LEKR1: variants seen among roughly 807,000 people sequenced by gnomAD.
LEKR1 encodes the protein protein LEKR1.
Under a neutral mutation model 72.4 loss-of-function variants are expected in LEKR1, and 59 were observed. That is an observed-to-expected ratio of 0.82 (90% CI 0.66 to 1.01). The LOEUF (loss-of-function observed/expected upper bound fraction) is 1.01, where lower values mean the gene tolerates loss of function less well. Among genes scored for constraint, LEKR1 ranks in the 50% least tolerant of loss-of-function variants. The pLI is 0.00. For missense variants in LEKR1, 728 were observed against 759.2 expected (o/e 0.96, Z 0.48); for synonymous variants, 257 against 263.2 (o/e 0.98, Z 0.23).
intron 6 of LEKR1, among the ~76,000 whole-genome samples, chr3:156,956,937 A>G (rs1431916280): frequency 6.6e-6 from 1 of 152,058 alleles, no homozygotes; most frequent in African/African-American, 2.4e-5. Context: ...ATAACTAACT[A>G]AATAAAATTC....
intron 3 of LEKR1, among the ~76,000 whole-genome samples, chr3:156,869,039 A>G (rs894308037): frequency 6.6e-6 from 1 of 151,962 alleles, no homozygotes; most frequent in Non-Finnish European, 1.5e-5. Flanking sequence ...ATTCTTTTTT[A>G]TGTCTGAATA....
At chr3:157,039,032 T>G (rs1735165430) in intron 12 of LEKR1, among the ~76,000 whole-genome samples, 1 of 152,188 alleles carries the variant, frequency 6.6e-6, no homozygotes, top group African/African-American at 2.4e-5. Context: ...CTGTTTTTAT[T>G]GTTTATTGCC....
intron 3 of LEKR1, among the ~76,000 whole-genome samples, chr3:156,898,675 C>A (rs888152219): frequency 1.3e-5 from 2 of 152,088 alleles, no homozygotes; most frequent in African/African-American, 4.8e-5. Context: ...AAAAAAAAAC[C>A]CAAAACTATT....
chr3:156,974,346 G>A (rs754690967), intron 6 of LEKR1, among the ~76,000 whole-genome samples: 33 of 152,126 alleles, frequency 2.2e-4, no homozygotes, highest in Non-Finnish European at 3.8e-4. Flanking sequence ...TTTTTCACAT[G>A]TTAAGATGCA....
chr3:157,009,073 C>G (rs1235512862), intron 9 of LEKR1, among the ~76,000 whole-genome samples: 1 of 152,036 alleles, frequency 6.6e-6, no homozygotes, highest in Non-Finnish European at 1.5e-5. Flanking sequence ...AGCTATTTAT[C>G]TTTTGTTACT....
At chr3:156,915,804 CT>C (rs769462720) in intron 3 of LEKR1, among the ~76,000 whole-genome samples, 1 of 152,050 alleles carries the variant, frequency 6.6e-6, no homozygotes, top group Non-Finnish European at 1.5e-5. Context: ...GTTGTGATTG[CT>C]TTTGATGTCA....
At chr3:157,040,400 A>G (rs1735263706) in intron 12 of LEKR1, among the ~76,000 whole-genome samples, 1 of 152,152 alleles carries the variant, frequency 6.6e-6, no homozygotes, top group African/African-American at 2.4e-5. Context: ...TATGTTTGTA[A>G]GCAGGGAAAT....
intron 3 of LEKR1, among the ~76,000 whole-genome samples, chr3:156,896,390 G>T (rs564030114): frequency 6.6e-6 from 1 of 152,026 alleles, no homozygotes; most frequent in African/African-American, 2.4e-5. Context: ...ATGGGCAAAC[G>T]ACATTAACAG....
At chr3:157,001,028 T>G (rs1475406445) in intron 9 of LEKR1, among the ~76,000 whole-genome samples, 2 of 152,218 alleles carry the variant, frequency 1.3e-5, no homozygotes, top group African/African-American at 4.8e-5. Flanking sequence ...CTCTTCATCT[T>G]CTGCCATGAT....
In LEKR1 at chr3:157,045,536, T is replaced by G; in HGVS notation, c.1865T>G (p.Leu622Arg). The G allele has an allele frequency of 6.2e-7, 1 of 1,614,112 alleles. No individual in the cohort carries two copies. The highest frequency in any genetic ancestry group is 1.1e-5 in the South Asian group (1 of 91,070). ...AAVSNHGERS[L>R]ARLNSEKGIQ... The stretch of plus-strand genomic sequence containing the variant: ...GTCAGTAATCATGGAGAGAGAAGCC[T>G]TGCAAGACTGAACTCTGAAAAAGGA... The change falls in exon 13 of 13, where the codon CTT (leucine) becomes CGT (arginine). Residue 622 changes from leucine to arginine, a missense_variant. Transcript: ENST00000356539.
rs979167538 is a variant in LEKR1 at position 157,017,967 on chromosome 3, A to G, written c.1203+6461A>G. ...CTGTCTCAAAAAAAAAAAAAAAAAAAAAAAAGAAAGCTGGAGTAGCTATAT... is the reference window on the plus strand; with the variant it reads ...CTGTCTCAAAAAAAAAAAAAAAAAAGAAAAAGAAAGCTGGAGTAGCTATAT... On this transcript the variant is annotated intron_variant, in intron 10 of 12. Coordinates refer to ENST00000356539, the MANE Select transcript of LEKR1 (RefSeq NM_001004316.3). Among the ~76,000 whole-genome samples, 196 of 150,178 alleles carry G rather than the reference A, an allele frequency of 1.3e-3. 1 individual carries two copies. Among genetic ancestry groups the G allele is most frequent in the African/African-American group, 4.5e-3 (183 of 40,882 alleles).
chr3:156,990,712 A>T (rs2108008109), intron 7 of LEKR1, among the ~76,000 whole-genome samples: 1 of 152,304 alleles, frequency 6.6e-6, no homozygotes, highest in East Asian at 1.9e-4. Flanking sequence ...TAGGTTTAGT[A>T]AGTAGAAGCC....
intron 12 of LEKR1, among the ~76,000 whole-genome samples, chr3:157,043,039 T>C (rs1735480140): frequency 6.6e-6 from 1 of 152,184 alleles, no homozygotes. Context: ...GTTCTTGTGA[T>C]ACTGAATGAG....
chr3:156,974,244 C>G (rs1162888672), intron 6 of LEKR1, among the ~76,000 whole-genome samples: 1 of 152,104 alleles, frequency 6.6e-6, no homozygotes, highest in East Asian at 1.9e-4. Flanking sequence ...TCTCAAAAAA[C>G]ATAATATTGA....
At chr3:156,963,726 T>C (rs1212943340) in intron 6 of LEKR1, among the ~76,000 whole-genome samples, 1 of 152,212 alleles carries the variant, frequency 6.6e-6, no homozygotes, top group Admixed American at 6.5e-5. Context: ...GGTTAAGCAC[T>C]TTTATTATCT....
intron 6 of LEKR1, among the ~76,000 whole-genome samples, chr3:156,976,079 A>G (rs768856360): frequency 9.2e-5 from 14 of 152,156 alleles, no homozygotes; most frequent in Non-Finnish European, 1.9e-4. Context: ...TTTATTTATT[A>G]AGGACAGGAA....
chr3:156,958,680 A>G (rs1366965613), intron 6 of LEKR1, among the ~76,000 whole-genome samples: 1 of 152,070 alleles, frequency 6.6e-6, no homozygotes, highest in African/African-American at 2.4e-5. Flanking sequence ...GCAAGTATTT[A>G]TTGGACATCT....
Position 157,045,628 on chromosome 3 carries a change from A to T in LEKR1, c.1957A>T (p.Arg653Trp), listed in dbSNP as rs1735697646. The change falls in exon 13 of 13, where the codon AGG becomes TGG. Residue 653 changes from arginine (R) to tryptophan (W), a missense_variant. By Grantham distance (101) the Arg-to-Trp change is moderately radical. Transcript: ENST00000356539. ...TTTCCCAACCTCAGATAAGCCGAAG[A>T]GGGTTAGATCAGGCGTGCCCATTCT... ...TTFPTSDKPK[R>W]VRSGVPILPQ... 6.2e-7 allele frequency: 1 copy of T among 1,614,162 alleles called. No homozygotes were observed. The highest frequency in any genetic ancestry group is 8.5e-7 in the Non-Finnish European group (1 of 1,180,024).
At chr3:156,990,846 A>C (rs1194775871) in intron 7 of LEKR1, among the ~76,000 whole-genome samples, 1 of 152,110 alleles carries the variant, frequency 6.6e-6, no homozygotes, top group Non-Finnish European at 1.5e-5. Flanking sequence ...GAAATCAGTT[A>C]TTTCTATGAG....
Sources: allele counts gnomAD v4.1 joint callset (sites outside exome capture counted in the v4.1 genomes callset), GRCh38; gene constraint gnomAD v4.1.1; transcripts MANE v1.5; gene names NCBI Gene and HGNC (gene_info 2026-07-23, HGNC 2026-07-21).